The following NUDCD3 variants were observed in gnomAD, a reference collection of about 807,000 sequenced individuals.
NUDCD3 encodes nudC domain-containing protein 3.
A neutral mutation model predicts 39.7 loss-of-function variants in NUDCD3; 13 were observed. The ratio of observed to expected loss-of-function variants is 0.33; its 90% CI spans 0.21 to 0.52. NUDCD3 has a LOEUF of 0.52. NUDCD3 is among the 20% of genes least tolerant of loss of function. NUDCD3 has a pLI of 0.96. For synonymous variants in NUDCD3, 175 were observed against 172.4 expected, an observed-to-expected ratio of 1.02 and a Z score of -0.12; for missense variants, 453 against 458.1, an observed-to-expected ratio of 0.99 and a Z score of 0.10.
intron 2 of NUDCD3, chr7:44,468,105 T>A: frequency 6.2e-7 from 1 of 1,609,992 alleles, no homozygotes; most frequent in Non-Finnish European, 8.5e-7. Context: ...AAGCACATGC[T>A]GCCCAGTGGC....
intron 1 of NUDCD3, among the ~76,000 whole-genome samples, chr7:44,489,627 C>T (rs942798299): frequency 3.9e-5 from 6 of 152,226 alleles, no homozygotes; most frequent in African/African-American, 1.4e-4. Flanking sequence ...AACTTCACTT[C>T]TCAACCATCA....
rs1230686116 is a variant in NUDCD3 at position 44,382,431 on chromosome 7, A to G, written c.*3580T>C. On this transcript the variant is annotated 3_prime_UTR_variant, in exon 6 of 6. Coordinates refer to ENST00000355451, the MANE Select transcript of NUDCD3 (RefSeq NM_015332.4). ...AATATTCATTTTTCGTCTCTCTGAG[A>G]TAGTGACCACACTGTCCTCACCAGG... 6.6e-6 allele frequency: 1 copy of G among 152,250 alleles called. No homozygotes were observed. The highest frequency in any genetic ancestry group is 1.5e-5 in the Non-Finnish European group (1 of 68,060). The allele number at this position is 152,250 out of a possible 1,614,324, so 9.4% of individuals were successfully genotyped here. A position where few individuals can be genotyped will look rare whatever the true frequency, so the allele number is the denominator to read the frequency against.
rs886461304 is a variant in NUDCD3, at chr7:44,471,825, A to G, written c.509+13143T>C. ...GACTCCATGAACAAACCAGAGATGAAGCAACAGGTCTAATCGAGGGGTTAC... is the reference window on the plus strand; with the variant it reads ...GACTCCATGAACAAACCAGAGATGAGGCAACAGGTCTAATCGAGGGGTTAC... On this transcript the variant is annotated intron_variant, in intron 2 of 5. Coordinates refer to ENST00000355451, the MANE Select transcript of NUDCD3 (RefSeq NM_015332.4). The G allele has an allele frequency of 3.3e-5, 5 of 152,224 alleles. No homozygotes were observed. The South Asian group carries it at 8.3e-4, about 25-fold the overall frequency. The allele number at this position is 152,224 out of a possible 1,614,324, so 9.4% of individuals were successfully genotyped here.
rs1215706300 is a variant in NUDCD3 at position 44,417,572 on chromosome 7, AT to A, written c.642+9998del. On this transcript the variant is annotated intron_variant, in intron 3 of 5. Coordinates refer to ENST00000355451, the MANE Select transcript of NUDCD3 (RefSeq NM_015332.4). ...CAGATAAAGGACCAGGAAACTGTAAATTTTTTTTAGCCAAGTGAATGAAGCA... is the reference window on the plus strand; with the variant it reads ...CAGATAAAGGACCAGGAAACTGTAAATTTTTTTAGCCAAGTGAATGAAGCA... Among the ~76,000 whole-genome samples the A allele has an allele frequency of 6.6e-5, 10 of 152,236 alleles. No individual in the cohort carries two copies. In the East Asian group the frequency reaches 1.9e-3, roughly 29 times the overall value.
chr7:44,467,656 T>TA (rs1321090706), intron 2 of NUDCD3, among the ~76,000 whole-genome samples: 45 of 142,418 alleles, frequency 3.2e-4, no homozygotes, highest in Middle Eastern at 3.6e-3. Flanking sequence ...CCCAAGCCCC[T>TA]AAAAAAAAAA....
intron 2 of NUDCD3, among the ~76,000 whole-genome samples, chr7:44,479,788 G>C (rs1325762567): frequency 6.6e-6 from 1 of 152,172 alleles, no homozygotes; most frequent in Non-Finnish European, 1.5e-5. Context: ...AAGAACTGCA[G>C]ATCTATAATT....
intron 2 of NUDCD3, among the ~76,000 whole-genome samples, chr7:44,439,826 T>C (rs1799541180): frequency 6.6e-6 from 1 of 152,080 alleles, no homozygotes; most frequent in East Asian, 1.9e-4. Flanking sequence ...ATTAAAAATG[T>C]AGAAGGAATG....
At position 44,490,616 on chromosome 7, in the gene NUDCD3, AG is replaced by A. The variant is rs775052071; in HGVS notation, c.-17del. 2 of 1,592,318 alleles carry A rather than the reference AG, an allele frequency of 1.3e-6. No individual in the cohort carries two copies. Among genetic ancestry groups the A allele is most frequent in the Admixed American group, 3.5e-5 (2 of 57,676 alleles). On this transcript the variant is annotated 5_prime_UTR_variant, in exon 1 of 6. Transcript: ENST00000355451. ...CTGTCTCCATGTCGCCTCCCGCCCT[AG>A]GTACGCTTCACACACACAGCGCCGC...
chr7:44,419,702 C>T (rs1005242727), intron 3 of NUDCD3, among the ~76,000 whole-genome samples: 1 of 152,162 alleles, frequency 6.6e-6, no homozygotes. Context: ...GATACCCAGG[C>T]AAACAGGGTC....
At chr7:44,485,581 C>G (rs1043254443) in intron 1 of NUDCD3, 7 of 271,780 alleles carry the variant, frequency 2.6e-5, no homozygotes, top group Non-Finnish European at 4.9e-5. Flanking sequence ...TTACAGACCC[C>G]AGTCTTGTTC....
intron 5 of NUDCD3, among the ~76,000 whole-genome samples, chr7:44,389,130 G>A (rs1258772646): frequency 2.0e-5 from 3 of 152,284 alleles, no homozygotes; most frequent in Non-Finnish European, 4.4e-5. Context: ...GAGCAGGGCA[G>A]CAGGGCATGA....
chr7:44,461,484 G>T (rs189765936), intron 2 of NUDCD3, among the ~76,000 whole-genome samples: 6 of 152,124 alleles, frequency 3.9e-5, no homozygotes, highest in East Asian at 1.9e-4. Context: ...GTCTCCCTGT[G>T]GGGGGAGGCA....
intron 4 of NUDCD3, among the ~76,000 whole-genome samples, chr7:44,395,074 C>T (rs1798597726): frequency 1.3e-5 from 2 of 152,212 alleles, no homozygotes; most frequent in South Asian, 4.1e-4. Flanking sequence ...AATACTTCAT[C>T]TGTGTTCAGA....
At chr7:44,476,994 G>A (rs950200667) in intron 2 of NUDCD3, among the ~76,000 whole-genome samples, 4 of 151,858 alleles carry the variant, frequency 2.6e-5, no homozygotes, top group African/African-American at 7.2e-5. Context: ...ACACTATTAG[G>A]AAACCTGAAA....
At position 44,452,885 on chromosome 7, in the gene NUDCD3, A is replaced by G. The variant is rs867809944; in HGVS notation, c.510-25182T>C. Reference sequence around the variant, plus strand: ...AGCTCCTTTGCTATTATGCTTTAAAAGTCCTTTGCACATTGACTTCCTCCA... The same window carrying G: ...AGCTCCTTTGCTATTATGCTTTAAAGGTCCTTTGCACATTGACTTCCTCCA... On this transcript the variant is annotated intron_variant, in intron 2 of 5. Transcript: ENST00000355451. Among the ~76,000 whole-genome samples, 7 of 152,216 alleles carry G rather than the reference A, an allele frequency of 4.6e-5. No homozygotes were observed. In the South Asian group the frequency reaches 8.3e-4, roughly 18 times the overall value.
intron 3 of NUDCD3, among the ~76,000 whole-genome samples, chr7:44,421,919 G>A (rs546947227): frequency 5.9e-4 from 90 of 152,178 alleles, no homozygotes; most frequent in Admixed American, 1.7e-3. Context: ...GCAAAAGAAC[G>A]GAAATCATAA....
chr7:44,466,868 C>A (rs2116957634), intron 2 of NUDCD3, among the ~76,000 whole-genome samples: 1 of 152,306 alleles, frequency 6.6e-6, no homozygotes, highest in South Asian at 2.1e-4. Context: ...ATCACTAGGT[C>A]ACAAAGCCCC....
Position 44,383,120 on chromosome 7 carries a change from A to G in NUDCD3, c.*2891T>C, listed in dbSNP as rs1798336575. On this transcript the variant is annotated 3_prime_UTR_variant, in exon 6 of 6. Coordinates refer to ENST00000355451, the MANE Select transcript of NUDCD3 (RefSeq NM_015332.4). The stretch of plus-strand genomic sequence containing the variant: ...AGGAGAGTCAAAGATCTGACTGAGG[A>G]AGAAGCAGGTGGCCAGCCACCTGGG... 6.6e-6 allele frequency: 1 copy of G among 152,300 alleles called. No individual in the cohort carries two copies. The highest frequency in any genetic ancestry group is 6.5e-5 in the Admixed American group (1 of 15,286). The allele number at this position is 152,300 out of a possible 1,614,324, so 9.4% of individuals were successfully genotyped here. A position where few individuals can be genotyped will look rare whatever the true frequency, so the allele number is the denominator to read the frequency against.
intron 2 of NUDCD3, among the ~76,000 whole-genome samples, chr7:44,462,816 A>G (rs10262867): frequency 0.22 from 33,783 of 152,182 alleles, 4,174 homozygotes; most frequent in African/African-American, 0.3. Context: ...TTATTATATC[A>G]TGAATTTTCC....
Sources: gnomAD v4.1 joint callset for allele counts (sites outside exome capture counted in the v4.1 genomes callset) on GRCh38, gnomAD v4.1.1 for gene constraint, MANE v1.5 for transcripts, NCBI Gene and HGNC (gene_info 2026-07-23, HGNC 2026-07-21) for gene names.